The following SNTG1 variants were observed in gnomAD, a reference collection of about 807,000 sequenced individuals.
SNTG1 encodes syntrophin gamma 1.
Under a neutral mutation model 74.7 loss-of-function variants are expected in SNTG1, and 39 were observed. The observed-to-expected ratio is 0.52, with a 90% CI of 0.40 to 0.68. The LOEUF is 0.68. SNTG1 is among the 30% of genes least tolerant of loss of function. The pLI is 0.00. For synonymous variants in SNTG1, 254 were observed against 217.1 expected (o/e 1.17, Z -1.49); for missense variants, 685 against 609.5 (o/e 1.12, Z -1.30).
intron 2 of SNTG1, among the ~76,000 whole-genome samples, chr8:50,341,359 T>C (rs141631754): frequency 2.0e-5 from 3 of 152,052 alleles, no homozygotes; most frequent in Middle Eastern, 3.4e-3. Flanking sequence ...CCACAAATGG[T>C]ACTTTTTCCC....
intron 18 of SNTG1, among the ~76,000 whole-genome samples, chr8:50,765,539 T>C (rs568604274): frequency 3.3e-5 from 5 of 151,994 alleles, no homozygotes; most frequent in Non-Finnish European, 5.9e-5. Flanking sequence ...TTATGTATGT[T>C]GTCCAGGGTT....
intron 17 of SNTG1, among the ~76,000 whole-genome samples, chr8:50,734,907 A>C (rs1002362128): frequency 1.4e-5 from 2 of 141,720 alleles, no homozygotes; most frequent in East Asian, 2.0e-4. Flanking sequence ...ACATATATAT[A>C]TCTATATATA....
Position 50,704,745 on chromosome 8 carries a change from G to A in SNTG1, c.1184G>A (p.Arg395Gln), listed in dbSNP as rs780973613. The part of the protein sequence containing the change: ...FQTATFLEVE[R>Q]IQCKTYACVL... The stretch of plus-strand genomic sequence containing the variant: ...ACAGCAACCTTTCTAGAAGTAGAAC[G>A]GATACAGGTGAGAGTCTGTGGGACT... The change falls in exon 16 of 19, where the codon CGG becomes CAG. Residue 395 changes from arginine to glutamine, a missense_variant. Coordinates refer to ENST00000642720, the MANE Select transcript of SNTG1 (RefSeq NM_018967.5). The A allele has an allele frequency of 7.4e-6, 12 of 1,613,902 alleles. No individual in the cohort carries two copies. The highest frequency in any genetic ancestry group is 2.2e-5 in the South Asian group (2 of 91,082).
At chr8:49,974,573 G>A (rs1161115319) in intron 1 of SNTG1, among the ~76,000 whole-genome samples, 1 of 152,118 alleles carries the variant, frequency 6.6e-6, no homozygotes, top group African/African-American at 2.4e-5. Context: ...GCCCTGGCCT[G>A]GCCTAGGAAT....
chr8:50,144,479 C>T lies in SNTG1; in HGVS notation c.-102-28082C>T, dbSNP rs186131307. Reference sequence around the variant, plus strand: ...GAGGAGCCAGCTGCATACAGATTTTCAGGAAGAATTTCCATGGGTTATACA... The same window carrying T: ...GAGGAGCCAGCTGCATACAGATTTTTAGGAAGAATTTCCATGGGTTATACA... On this transcript the variant is annotated intron_variant, in intron 1 of 18. Coordinates refer to ENST00000642720, the MANE Select transcript of SNTG1 (RefSeq NM_018967.5). Among the ~76,000 whole-genome samples the T allele has an allele frequency of 8.4e-3, 1,276 of 152,286 alleles. 8 individuals are homozygous for T. The highest frequency in any genetic ancestry group is 0.015 in the Non-Finnish European group (1,010 of 68,022).
intron 1 of SNTG1, among the ~76,000 whole-genome samples, chr8:49,943,092 T>G (rs925150278): frequency 9.9e-5 from 15 of 152,248 alleles, no homozygotes; most frequent in African/African-American, 3.6e-4. Context: ...TCAGTCATAA[T>G]GCAATACTCC....
At chr8:50,204,022 A>T (rs2084097603) in intron 2 of SNTG1, among the ~76,000 whole-genome samples, 1 of 152,072 alleles carries the variant, frequency 6.6e-6, no homozygotes, top group Non-Finnish European at 1.5e-5. Context: ...ATGCATAATG[A>T]TACCCCCTGG....
At chr8:50,564,707 A>G (rs2094506389) in intron 12 of SNTG1, among the ~76,000 whole-genome samples, 1 of 152,108 alleles carries the variant, frequency 6.6e-6, no homozygotes, top group Non-Finnish European at 1.5e-5. Flanking sequence ...ATCATAGTCT[A>G]TAAGTTTTTT....
intron 1 of SNTG1, among the ~76,000 whole-genome samples, chr8:50,131,895 G>C (rs2081331302): frequency 6.6e-6 from 1 of 151,940 alleles, no homozygotes; most frequent in African/African-American, 2.4e-5. Flanking sequence ...AAACATATGA[G>C]ATGATATCTT....
At chr8:50,751,862 T>C in intron 17 of SNTG1, 139 bp from the exon 18 acceptor site, 1 of 452,336 alleles carries the variant, frequency 2.2e-6, no homozygotes, top group Non-Finnish European at 3.9e-6. Context: ...GATAAATATT[T>C]TTAAATTTCA....
chr8:49,939,791 C>G (rs948955386), intron 1 of SNTG1, among the ~76,000 whole-genome samples: 7 of 152,146 alleles, frequency 4.6e-5, no homozygotes, highest in African/African-American at 1.7e-4. Flanking sequence ...CTCTATTCTG[C>G]TAGAAAGCAT....
At chr8:50,303,276 A>G (rs1324429140) in intron 2 of SNTG1, among the ~76,000 whole-genome samples, 4 of 152,132 alleles carry the variant, frequency 2.6e-5, no homozygotes, top group Non-Finnish European at 4.4e-5. Context: ...TTTTAATCAC[A>G]ACATTAAATT....
chr8:50,382,256 A>G (rs1203633584), intron 2 of SNTG1: 1 of 152,136 alleles, frequency 6.6e-6, no homozygotes, highest in Non-Finnish European at 1.5e-5. Context: ...TATGTTACTA[A>G]TAAACCAGCT....
Position 50,378,119 on chromosome 8 carries a change from G to A in SNTG1, c.-27-16093G>A, listed in dbSNP as rs116791322. Among the ~76,000 whole-genome samples the A allele has an allele frequency of 1.7e-3, 256 of 152,300 alleles. 2 individuals are homozygous for A. The highest frequency in any genetic ancestry group is 5.9e-3 in the African/African-American group (245 of 41,566). ...GCAAGTCATGCATGAAGTGGCAAGG[G>A]GTGTGTGAGTGAGCACGGGGTTCGG... On this transcript the variant is annotated intron_variant, in intron 2 of 18. Coordinates refer to ENST00000642720, the MANE Select transcript of SNTG1 (RefSeq NM_018967.5).
chr8:50,258,026 C>T (rs1429874897), intron 2 of SNTG1, among the ~76,000 whole-genome samples: 1 of 152,166 alleles, frequency 6.6e-6, no homozygotes, highest in South Asian at 2.1e-4. Flanking sequence ...GGAATCTGTG[C>T]ACATGAGCAG....
At chr8:49,968,846 C>T (rs571924921) in intron 1 of SNTG1, among the ~76,000 whole-genome samples, 7 of 152,208 alleles carry the variant, frequency 4.6e-5, no homozygotes, top group Admixed American at 1.3e-4. Flanking sequence ...AGACACATTC[C>T]GGATAGAACT....
intron 2 of SNTG1, among the ~76,000 whole-genome samples, chr8:50,345,717 T>C (rs1322381216): frequency 1.3e-5 from 2 of 152,214 alleles, no homozygotes; most frequent in Non-Finnish European, 2.9e-5. Context: ...TCAGTATATT[T>C]TATACCAGTT....
chr8:50,400,330 G>T (rs1453102476), intron 3 of SNTG1, among the ~76,000 whole-genome samples: 1 of 152,148 alleles, frequency 6.6e-6, no homozygotes. Flanking sequence ...GTTGTTGCAA[G>T]TTAAATAATT....
At chr8:50,438,725 C>T (rs1376866987) in intron 5 of SNTG1, 126 bp downstream of exon 5, 15 of 685,968 alleles carry the variant, frequency 2.2e-5, no homozygotes, top group South Asian at 1.4e-4. Flanking sequence ...AATATTTGGA[C>T]GGGGATGTAA....
Sources: gnomAD v4.1 joint callset for allele counts (sites outside exome capture counted in the v4.1 genomes callset) on GRCh38, gnomAD v4.1.1 for gene constraint, MANE v1.5 for transcripts, NCBI Gene and HGNC (gene_info 2026-07-23, HGNC 2026-07-21) for gene names.